The following DNM3 variants were observed in gnomAD, a reference collection of about 807,000 sequenced individuals.
DNM3 encodes the protein dynamin 3, also known as dynamin-3.
A neutral mutation model predicts 101.6 loss-of-function variants in DNM3; 47 were observed. The ratio of observed to expected loss-of-function variants is 0.46; its 90% CI spans 0.37 to 0.59. The LOEUF (loss-of-function observed/expected upper bound fraction) is 0.59. DNM3 is among the 20% of genes least tolerant of loss of function. The probability of loss-of-function intolerance (pLI) is 0.00; values close to 1 mark genes in which losing one functional copy is unlikely to be tolerated. For missense variants in DNM3, 849 were observed against 1,085.7 expected (o/e 0.78, Z 3.06); for synonymous variants, 385 against 387.9 (o/e 0.99, Z 0.09).
intron 4 of DNM3, among the ~76,000 whole-genome samples, chr1:172,017,519 T>C (rs1261111012): frequency 6.6e-6 from 1 of 152,154 alleles, no homozygotes; most frequent in Non-Finnish European, 1.5e-5. Context: ...CTTTCTGTTA[T>C]TGATTTCTAT....
At chr1:172,119,212 G>A (rs1000312093) in intron 13 of DNM3, among the ~76,000 whole-genome samples, 4 of 151,794 alleles carry the variant, frequency 2.6e-5, no homozygotes, top group South Asian at 2.1e-4. Context: ...GGCTGGTCTC[G>A]AACTCCTGAC....
At chr1:171,919,439 G>A (rs1050819605) in intron 1 of DNM3, among the ~76,000 whole-genome samples, 33 of 151,872 alleles carry the variant, frequency 2.2e-4, no homozygotes, top group African/African-American at 7.3e-4. Flanking sequence ...AGTTTCCTGA[G>A]AATGATGGTT....
intron 14 of DNM3, among the ~76,000 whole-genome samples, chr1:172,220,276 G>A (rs1490688583): frequency 4.6e-5 from 7 of 152,180 alleles, no homozygotes. Flanking sequence ...GGGCTAGATA[G>A]GAGTTTCTTG....
At chr1:172,397,378 G>A (rs1185997607) in intron 20 of DNM3, 1 of 152,520 alleles carries the variant, frequency 6.6e-6, no homozygotes, top group Non-Finnish European at 1.5e-5. Context: ...AATAAAATCT[G>A]TGCTCTGCGT....
chr1:172,000,795 G>A (rs973280080), intron 4 of DNM3, among the ~76,000 whole-genome samples: 1 of 152,062 alleles, frequency 6.6e-6, no homozygotes, highest in Admixed American at 6.6e-5. Context: ...AAACTTGGCT[G>A]TGAGGAAGTG....
At chr1:172,299,716 G>T (rs1457785976) in intron 15 of DNM3, among the ~76,000 whole-genome samples, 1 of 152,072 alleles carries the variant, frequency 6.6e-6, no homozygotes, top group African/African-American at 2.4e-5. Flanking sequence ...ACATAACTTT[G>T]TTCTTTTTAT....
chr1:171,938,070 A>G (rs2041570379), intron 2 of DNM3, among the ~76,000 whole-genome samples: 1 of 144,496 alleles, frequency 6.9e-6, no homozygotes, highest in Non-Finnish European at 1.5e-5. Context: ...CGTTCTTTTT[A>G]TGATTTTCTA....
intron 1 of DNM3, among the ~76,000 whole-genome samples, chr1:171,905,968 G>C (rs1166716395): frequency 2.0e-5 from 3 of 152,052 alleles, no homozygotes; most frequent in Non-Finnish European, 4.4e-5. Flanking sequence ...TGTGAAGGAT[G>C]GATGTACCAG....
intron 14 of DNM3, among the ~76,000 whole-genome samples, chr1:172,171,833 T>C (rs138654843): frequency 3.3e-5 from 5 of 151,786 alleles, no homozygotes; most frequent in African/African-American, 1.2e-4. Flanking sequence ...AATAGGACAG[T>C]GTCAAAAAAA....
chr1:172,238,061 A>G lies in DNM3; in HGVS notation c.1660-15512A>G, dbSNP rs1439581888. Among the ~76,000 whole-genome samples the G allele has an allele frequency of 3.9e-5, 6 of 152,238 alleles. No individual in the cohort carries two copies. In the East Asian group the frequency reaches 5.8e-4, roughly 15 times the overall value. On this transcript the variant is annotated intron_variant, in intron 14 of 20. Transcript: ENST00000627582. Reference sequence around the variant, plus strand: ...TGCCTCTGCCCTTTTTTTCATTACCATACTATAAATACATTACTACCACTT... The same window carrying G: ...TGCCTCTGCCCTTTTTTTCATTACCGTACTATAAATACATTACTACCACTT...
At chr1:171,996,220 G>A (rs769273345) in intron 4 of DNM3, among the ~76,000 whole-genome samples, 3 of 152,278 alleles carry the variant, frequency 2.0e-5, no homozygotes, top group East Asian at 1.9e-4. Flanking sequence ...CTGAGTAGAA[G>A]AGGGTTTTTA....
rs569034642 is a variant in DNM3 at position 172,257,367 on chromosome 1, C to T, written c.1769+3685C>T. 3.9e-5 allele frequency among the ~76,000 whole-genome samples: 6 copies of T among 152,186 alleles called. No individual in the cohort carries two copies. The South Asian group carries it at 8.3e-4, about 21-fold the overall frequency. On this transcript the variant is annotated intron_variant, in intron 15 of 20. Transcript: ENST00000627582. ...TTTATCACATGAGCATTAAAAAGGT[C>T]GCTTTGTGATTGTGAGCTTGAATAA...
chr1:172,303,671 A>G (rs1227410430), intron 15 of DNM3, among the ~76,000 whole-genome samples: 1 of 152,244 alleles, frequency 6.6e-6, no homozygotes, highest in Non-Finnish European at 1.5e-5. Flanking sequence ...TCAGACTAAC[A>G]GCGGATCTCT....
rs1328020255 is a variant in DNM3, at chr1:172,407,848, T to G, written c.*7T>G. The G allele has an allele frequency of 6.2e-7, 1 of 1,612,944 alleles. No homozygotes were observed. Among genetic ancestry groups the G allele is most frequent in the African/African-American group, 1.3e-5 (1 of 74,886 alleles). On this transcript the variant is annotated 3_prime_UTR_variant, in exon 21 of 21. Transcript: ENST00000627582. Reference sequence around the variant, plus strand: ...ATCCTCCCTGTTAGACTAAACGAAGTGTCTGGCATGGCAATTAATCACTAA... The same window carrying G: ...ATCCTCCCTGTTAGACTAAACGAAGGGTCTGGCATGGCAATTAATCACTAA...
intron 20 of DNM3, among the ~76,000 whole-genome samples, chr1:172,405,792 T>C (rs968903800): frequency 6.6e-5 from 10 of 151,994 alleles, no homozygotes; most frequent in African/African-American, 2.4e-4. Flanking sequence ...GGCAGGGGGC[T>C]TATTATTTGG....
intron 14 of DNM3, among the ~76,000 whole-genome samples, chr1:172,178,077 A>G (rs2059217044): frequency 6.6e-6 from 1 of 151,920 alleles, no homozygotes; most frequent in Non-Finnish European, 1.5e-5. Context: ...AAACCTGTAA[A>G]GCCTGTTTCT....
intron 6 of DNM3, among the ~76,000 whole-genome samples, chr1:172,034,304 A>AT (rs36058770): frequency 3.9e-5 from 6 of 152,158 alleles, no homozygotes; most frequent in African/African-American, 1.4e-4. Context: ...ATATGAATAT[A>AT]TTTTTGAGAA....
chr1:172,074,182 A>G (rs1255093738), intron 11 of DNM3, among the ~76,000 whole-genome samples: 5 of 152,116 alleles, frequency 3.3e-5, no homozygotes, highest in Admixed American at 2.0e-4. Flanking sequence ...CATGTTAGCT[A>G]GTGTTAGTGC....
Position 171,904,120 on chromosome 1 carries a change from C to T in DNM3, c.162-17628C>T, listed in dbSNP as rs186816934. Among the ~76,000 whole-genome samples the T allele has an allele frequency of 4.1e-5, 6 of 148,042 alleles. No individual in the cohort carries two copies. In the Admixed American group the frequency reaches 4.1e-4, roughly 10 times the overall value. On this transcript the variant is annotated intron_variant, in intron 1 of 20. Transcript: ENST00000627582. ...CCCAGGAGTTTAAGACCATCCTGGGCAACATGGTGAAACCCCGTCTCCTCA... is the reference window on the plus strand; with the variant it reads ...CCCAGGAGTTTAAGACCATCCTGGGTAACATGGTGAAACCCCGTCTCCTCA...
Sources: gnomAD v4.1 joint callset for allele counts (sites outside exome capture counted in the v4.1 genomes callset) on GRCh38, gnomAD v4.1.1 for gene constraint, MANE v1.5 for transcripts, NCBI Gene and HGNC (gene_info 2026-07-23, HGNC 2026-07-21) for gene names.